Variants in MYBPH observed in about 807,000 individuals in gnomAD.
The protein encoded by MYBPH is myosin-binding protein H.
Under a neutral mutation model 53.6 loss-of-function variants are expected in MYBPH, and 49 were observed. The ratio of observed to expected loss-of-function variants is 0.91; its 90% CI spans 0.73 to 1.16. The LOEUF is 1.16. MYBPH is among the 50% of genes most tolerant of loss of function. MYBPH has a pLI of 0.00. For missense variants in MYBPH, 558 were observed against 624.1 expected (o/e 0.89, Z 1.13); for synonymous variants, 239 against 249.6 (o/e 0.96, Z 0.40).
intron 6 of MYBPH, among the ~76,000 whole-genome samples, 171 bp downstream of exon 6, chr1:203,170,890 C>T (rs898993552): frequency 4.6e-5 from 7 of 152,204 alleles, no homozygotes; most frequent in African/African-American, 1.4e-4. Context: ...CAGGAGGCAT[C>T]TGAGGTCCAG....
upstream of MYBPH, among the ~76,000 whole-genome samples, chr1:203,178,482 G>A (rs903357): frequency 0.4 from 61,031 of 151,994 alleles, 13,922 homozygotes; most frequent in Non-Finnish European, 0.52. Context: ...CAGGAAGGGT[G>A]CATGAGATGA....
rs748077272 is a variant in MYBPH at position 203,170,247 on chromosome 1, G to A, written c.1093+44C>T. On this transcript the variant is annotated intron_variant, in intron 7 of 10. Transcript: ENST00000255416. ...GCAGAGACGCGGAGGAAGAAGCAGA[G>A]ACAGGGAGAGAGTTAGCACAGCCAG... 7 of 1,608,740 alleles carry A rather than the reference G, an allele frequency of 4.4e-6. No individual in the cohort carries two copies. In the East Asian group the frequency reaches 1.3e-4, roughly 31 times the overall value.
chr1:203,174,661 C>A, intron 2 of MYBPH, 64 bp from the exon 3 acceptor site: 1 of 1,390,564 alleles, frequency 7.2e-7, no homozygotes, highest in South Asian at 1.6e-5. Flanking sequence ...CTCCATGGGG[C>A]TTCTTTTCCT....
At chr1:203,170,482 C>T in intron 6 of MYBPH, 32 bp from the exon 7 acceptor site, 3 of 1,605,536 alleles carry the variant, frequency 1.9e-6, no homozygotes, top group South Asian at 1.1e-5. Flanking sequence ...CCTCATTTCT[C>T]ACCCCTGTCC....
At chr1:203,175,292 C>G in intron 2 of MYBPH, 35 bp downstream of exon 2, 1 of 1,511,990 alleles carries the variant, frequency 6.6e-7, no homozygotes, top group Middle Eastern at 1.8e-4. Context: ...TGACAACCTC[C>G]CCTGGGTGTA....
rs753347776 is a variant in MYBPH at position 203,170,423 on chromosome 1, G to A, written c.961C>T (p.His321Tyr). 6.2e-7 allele frequency: 1 copy of A among 1,614,146 alleles called. No individual in the cohort carries two copies. Among genetic ancestry groups the A allele is most frequent in the South Asian group, 1.1e-5 (1 of 91,090 alleles). ...TCAGAGATGGTGCAGGTGGTTGGGT[G>A]GTAGCGCTCCAGCACTGTGAACCAT... ...GQWFTVLERY[H>Y]PTTCTISDLI... is the part of the protein sequence containing the mutation. Residue 321 changes from histidine (H) to tyrosine (Y), a missense_variant, in exon 7 of 11, where the codon CAC becomes TAC. By Grantham distance (83) the His-to-Tyr change is moderately conservative. Transcript: ENST00000255416.
intron 10 of MYBPH, among the ~76,000 whole-genome samples, 180 bp from the exon 11 acceptor site, chr1:203,168,271 G>A (rs570392853): frequency 2.6e-5 from 4 of 152,220 alleles, no homozygotes; most frequent in Non-Finnish European, 5.9e-5. Context: ...TACTTATGCA[G>A]AGCCTCAGAA....
chr1:203,175,408 C>T lies in MYBPH; in HGVS notation c.259G>A (p.Val87Met), dbSNP rs1655787349. The change falls in exon 2 of 11, where the codon GTG becomes ATG. Residue 87 changes from valine to methionine, a missense_variant. Physicochemically the swap from Val to Met is conservative, Grantham distance 21 (BLOSUM62 1). Transcript: ENST00000255416. ...LTLDDVSSSSVTVSWEPPERL... is the reference protein window; with the variant it reads ...LTLDDVSSSSMTVSWEPPERL... The stretch of plus-strand genomic sequence containing the variant: ...TCTGGGGGCTCCCAGCTCACAGTCA[C>T]AGAGCTGCTGCTCACATCATCCAGG... 2 of 1,548,844 alleles carry T rather than the reference C, an allele frequency of 1.3e-6. No homozygotes were observed. The highest frequency in any genetic ancestry group is 1.7e-6 in the Non-Finnish European group (2 of 1,148,090).
Position 203,174,458 on chromosome 1 carries a change from G to C in MYBPH, c.480C>G (p.Asp160Glu), listed in dbSNP as rs754853593. ...SAGAGPPAML[D>E]QPIHIRENIE... ...TGTTCTCTCGGATGTGGATGGGCTG[G>C]TCCAGCATGGCCGGCGGGCCAGCCC... The change falls in exon 3 of 11, where the codon GAC becomes GAG. Residue 160 changes from aspartate (D) to glutamate (E), a missense_variant. By Grantham distance (45) the Asp-to-Glu change is conservative (BLOSUM62 2). Coordinates refer to ENST00000255416, the MANE Select transcript of MYBPH (RefSeq NM_004997.3). The C allele has an allele frequency of 6.2e-7, 1 of 1,609,002 alleles. No homozygotes were observed. The highest frequency in any genetic ancestry group is 8.5e-7 in the Non-Finnish European group (1 of 1,176,146).
chr1:203,171,654 TGGA>T lies in MYBPH; in HGVS notation c.598-79_598-77del. 1.4e-6 allele frequency: 2 copies of T among 1,412,314 alleles called. No homozygotes were observed. The highest frequency in any genetic ancestry group is 1.9e-6 in the Non-Finnish European group (2 of 1,058,372). The allele number at this position is 1,412,314 out of a possible 1,614,324, so 87.5% of individuals were successfully genotyped here. Reference sequence around the variant, plus strand: ...ACACCTCCTTAACTCCAGGAGTCTCTGGAGCTGTTCTCGGGGAAGCCTGTCCCA... The same window carrying T: ...ACACCTCCTTAACTCCAGGAGTCTCTGCTGTTCTCGGGGAAGCCTGTCCCA... On this transcript the variant is annotated intron_variant, in intron 4 of 10. Transcript: ENST00000255416. The surrounding 1 kb of genome is among the most constrained non-coding windows in gnomAD (Gnocchi z 4.2).
chr1:203,175,535 C>T lies in MYBPH; in HGVS notation c.205+16G>A, dbSNP rs1655790132. The T allele has an allele frequency of 3.7e-6, 6 of 1,613,438 alleles. No homozygotes were observed. The East Asian group carries it at 1.1e-4, about 30-fold the overall frequency. ...CATGCCTGCCTCCCTCCTCCCCCTG[C>T]CCCACCTTCAGTCACCTTCACTTGG... On this transcript the variant is annotated intron_variant, in intron 1 of 10. Coordinates refer to ENST00000255416, the MANE Select transcript of MYBPH (RefSeq NM_004997.3).
In MYBPH at chr1:203,170,365, A is replaced by ACCCG. The variant is rs781383714; in HGVS notation, c.1015_1018dup (p.Val340AlafsTer33). The ACCCG allele has an allele frequency of 6.2e-7, 1 of 1,614,094 alleles. No homozygotes were observed. The highest frequency in any genetic ancestry group is 8.5e-7 in the Non-Finnish European group (1 of 1,179,998). The stretch of plus-strand genomic sequence containing the variant: ...GAGTCCACACAGGTTTTCTGAGAAG[A>ACCCG]CCCGGAAGGAGTACGAGTTGCCGAT... On this transcript the variant is annotated frameshift_variant, in exon 7 of 11. Transcript: ENST00000255416. LOFTEE classifies it high-confidence loss of function.
chr1:203,168,411 C>T (rs768960696), intron 10 of MYBPH, among the ~76,000 whole-genome samples: 2 of 152,204 alleles, frequency 1.3e-5, no homozygotes, highest in East Asian at 1.9e-4. Flanking sequence ...TGGCGGTCCA[C>T]GGAATCACCC....
At position 203,171,335 on chromosome 1, in the gene MYBPH, G is replaced by T. The variant is rs367660311; in HGVS notation, c.793+48C>A. The T allele has an allele frequency of 1.3e-6, 2 of 1,580,810 alleles. No individual in the cohort carries two copies. Among genetic ancestry groups the T allele is most frequent in the Non-Finnish European group, 1.7e-6 (2 of 1,160,494 alleles). On this transcript the variant is annotated intron_variant, in intron 5 of 10. Coordinates refer to ENST00000255416, the MANE Select transcript of MYBPH (RefSeq NM_004997.3). This position sits in a 1 kb window ranked among gnomAD's most constrained non-coding sequence, Gnocchi z 4.2. ...CCATCAGCTCTGGGATAGGAGGTTGGGGGCTCCAGGTCCCCCATGAGACAG... is the reference window on the plus strand; with the variant it reads ...CCATCAGCTCTGGGATAGGAGGTTGTGGGCTCCAGGTCCCCCATGAGACAG...
At chr1:203,176,286 C>T (rs1196667984), upstream of MYBPH, among the ~76,000 whole-genome samples, 2 of 152,142 alleles carry the variant, frequency 1.3e-5, no homozygotes, top group Non-Finnish European at 2.9e-5. Context: ...ATTCCCTGGG[C>T]TCCCACAGTT....
upstream of MYBPH, among the ~76,000 whole-genome samples, chr1:203,176,237 G>A (rs181787438): frequency 7.2e-4 from 109 of 152,302 alleles, 1 homozygote; most frequent in African/African-American, 1.8e-3. Flanking sequence ...TGGGACAATC[G>A]TCCTTGTGAG....
In MYBPH at chr1:203,171,351, C is replaced by T. The variant is rs1217685018; in HGVS notation, c.793+32G>A. On this transcript the variant is annotated intron_variant, in intron 5 of 10. Coordinates refer to ENST00000255416, the MANE Select transcript of MYBPH (RefSeq NM_004997.3). The surrounding 1 kb of genome is among the most constrained non-coding windows in gnomAD (Gnocchi z 4.2). ...AGGAGGTTGGGGGCTCCAGGTCCCC[C>T]ATGAGACAGCACTGTTCCCCTGGCT... The T allele has an allele frequency of 1.3e-6, 2 of 1,593,490 alleles. No individual in the cohort carries two copies. The highest frequency in any genetic ancestry group is 1.7e-5 in the Admixed American group (1 of 59,112).
intron 10 of MYBPH, 102 bp downstream of exon 10, chr1:203,168,525 G>T: frequency 1.7e-6 from 2 of 1,179,050 alleles, no homozygotes; most frequent in Non-Finnish European, 2.5e-6. Context: ...CCACAGAGCT[G>T]ACCACCACCT....
In MYBPH at chr1:203,171,141, G is replaced by C; in HGVS notation, c.853C>G (p.Leu285Val). The change falls in exon 6 of 11, where the codon CTT becomes GTT. Residue 285 changes from leucine (L) to valine (V), a missense_variant. Leu to Val is a conservative substitution (Grantham distance 32). Transcript: ENST00000255416. The surrounding 1 kb of genome is among the most constrained non-coding windows in gnomAD (Gnocchi z 4.2). ...GTGTCCTGGGGTGGCGTCCACTGAA[G>C]AGCAGCATTGCAGCCCCAGACGTCC... The part of the protein sequence containing the change: ...LLDVWGCNAA[L>V]QWTPPQDTGN... 1.2e-6 allele frequency: 2 copies of C among 1,613,568 alleles called. No homozygotes were observed. The highest frequency in any genetic ancestry group is 8.5e-7 in the Non-Finnish European group (1 of 1,179,716).
Sources: gnomAD v4.1 joint callset for allele counts (sites outside exome capture counted in the v4.1 genomes callset) on GRCh38, gnomAD v4.1.1 for gene constraint, Gnocchi (gnomAD v3.1) non-coding constraint, MANE v1.5 for transcripts, NCBI Gene and HGNC (gene_info 2026-07-23, HGNC 2026-07-21) for gene names.